The following RPF1 variants were observed in gnomAD, a reference collection of about 807,000 sequenced individuals.
RPF1 encodes ribosome production factor 1 homolog.
Under a neutral mutation model 41.9 loss-of-function variants are expected in RPF1, and 34 were observed. The ratio of observed to expected loss-of-function variants is 0.81; its 90% CI spans 0.62 to 1.08. The LOEUF (loss-of-function observed/expected upper bound fraction) is 1.08, where lower values mean the gene tolerates loss of function less well. Ranked by LOEUF, RPF1 falls within the 50% of genes least tolerant of loss-of-function variation. RPF1 has a pLI of 0.00. For missense variants in RPF1, 425 were observed against 435.2 expected, an observed-to-expected ratio of 0.98 and a Z score of 0.21; for synonymous variants, 140 against 148.9, an observed-to-expected ratio of 0.94 and a Z score of 0.43.
Position 84,479,315 on chromosome 1 carries a change from G to A in RPF1, c.34G>A (p.Gly12Arg), listed in dbSNP as rs145419651. Residue 12 changes from glycine (G) to arginine (R), a missense_variant, in exon 1 of 9, where the codon GGG becomes AGG. Transcript: ENST00000370654. ...AKAGDKSSSS[G>R]KKSLKRKAAA... The stretch of plus-strand genomic sequence containing the variant: ...AGCCGGGGATAAGAGCAGCAGCAGC[G>A]GGAAGAAAAGTCTAAAACGGAAAGC... The A allele has an allele frequency of 2.1e-5, 34 of 1,608,906 alleles. No individual in the cohort carries two copies. The highest frequency in any genetic ancestry group is 1.7e-4 in the Middle Eastern group (1 of 5,944).
At chr1:84,495,542 T>C in intron 6 of RPF1, 87 bp downstream of exon 6, 1 of 650,984 alleles carries the variant, frequency 1.5e-6, no homozygotes, top group Non-Finnish European at 2.6e-6. Context: ...AGCTCTAATT[T>C]ATTTTAATAA....
Position 84,479,328 on chromosome 1 carries a change from T to C in RPF1, c.47T>C (p.Leu16Pro), listed in dbSNP as rs1681595733. Residue 16 changes from leucine (L) to proline (P), a missense_variant, in exon 1 of 9, where the codon CTA becomes CCA. Leu to Pro is a moderately conservative substitution (Grantham distance 98). Coordinates refer to ENST00000370654, the MANE Select transcript of RPF1 (RefSeq NM_025065.7). ...AGCAGCAGCAGCGGGAAGAAAAGTC[T>C]AAAACGGAAAGCCGCTGCCGAAGAA... is the stretch of plus-strand genomic sequence containing the variant. ...DKSSSSGKKS[L>P]KRKAAAEELQ... 1 of 1,612,122 alleles carries C rather than the reference T, an allele frequency of 6.2e-7. No individual in the cohort carries two copies. The highest frequency in any genetic ancestry group is 1.1e-5 in the South Asian group (1 of 90,994).
intron 6 of RPF1, 105 bp from the exon 7 acceptor site, chr1:84,495,775 TAC>T: frequency 1.4e-6 from 1 of 697,636 alleles, no homozygotes; most frequent in African/African-American, 1.8e-5. Flanking sequence ...CACTAAAAAA[TAC>T]ATTTTGCAAA....
At chr1:84,481,770 A>G (rs1209329945) in intron 2 of RPF1, among the ~76,000 whole-genome samples, 1 of 152,146 alleles carries the variant, frequency 6.6e-6, no homozygotes, top group African/African-American at 2.4e-5. Context: ...CTAGGTTGTG[A>G]TTTATTTTTG....
intron 8 of RPF1, among the ~76,000 whole-genome samples, chr1:84,496,594 T>G (rs1681939512): frequency 6.6e-6 from 1 of 150,504 alleles, no homozygotes; most frequent in Admixed American, 6.6e-5. Context: ...AGATACAATA[T>G]CTGGGTCTGG....
intron 3 of RPF1, among the ~76,000 whole-genome samples, chr1:84,488,541 C>A (rs1235448986): frequency 2.0e-5 from 3 of 151,908 alleles, no homozygotes; most frequent in Admixed American, 6.6e-5. Context: ...TTATTTTGAC[C>A]CATTTTTCTC....
chr1:84,497,171 A>C (rs1681955535), intron 8 of RPF1, among the ~76,000 whole-genome samples: 1 of 150,826 alleles, frequency 6.6e-6, no homozygotes, highest in South Asian at 2.1e-4. Flanking sequence ...TGCATGGCCT[A>C]AAACATCCTT....
intron 8 of RPF1, 62 bp downstream of exon 8, chr1:84,496,432 G>A (rs955556416): frequency 1.0e-5 from 15 of 1,434,112 alleles, no homozygotes; most frequent in Non-Finnish European, 1.4e-5. Flanking sequence ...GAGGGTGGGA[G>A]GAGAGAGAGC....
At chr1:84,488,785 T>G (rs1681780324) in intron 3 of RPF1, among the ~76,000 whole-genome samples, 1 of 152,106 alleles carries the variant, frequency 6.6e-6, no homozygotes, top group Non-Finnish European at 1.5e-5. Context: ...TATTAGATGT[T>G]TTCTTTGCAA....
intron 3 of RPF1, among the ~76,000 whole-genome samples, chr1:84,486,310 G>A (rs1370993268): frequency 1.3e-5 from 2 of 151,946 alleles, no homozygotes; most frequent in East Asian, 1.9e-4. Context: ...TGACGTGGCC[G>A]GGCACAGTAG....
chr1:84,489,216 A>T (rs1193618464), intron 3 of RPF1, among the ~76,000 whole-genome samples: 5 of 152,110 alleles, frequency 3.3e-5, no homozygotes, highest in African/African-American at 1.2e-4. Context: ...AAAAGGTACT[A>T]CTTTCATTAA....
chr1:84,496,117 A>G, intron 7 of RPF1, 54 bp downstream of exon 7: 2 of 1,488,724 alleles, frequency 1.3e-6, no homozygotes, highest in South Asian at 1.2e-5. Context: ...TATATTTTCA[A>G]CATGAACTAA....
At chr1:84,486,008 G>A (rs528589250) in intron 3 of RPF1, among the ~76,000 whole-genome samples, 1 of 152,144 alleles carries the variant, frequency 6.6e-6, no homozygotes, top group South Asian at 2.1e-4. Flanking sequence ...TGACCTTTTA[G>A]CAAAGACTTG....
At chr1:84,492,239 G>A (rs151154368) in intron 5 of RPF1, among the ~76,000 whole-genome samples, 1 of 148,682 alleles carries the variant, frequency 6.7e-6, no homozygotes, top group Non-Finnish European at 1.5e-5. Context: ...GGTGACACAT[G>A]GGGGGAAAGT....
At chr1:84,492,718 A>G (rs2101886707) in intron 5 of RPF1, among the ~76,000 whole-genome samples, 1 of 152,294 alleles carries the variant, frequency 6.6e-6, no homozygotes, top group Middle Eastern at 3.4e-3. Flanking sequence ...ATGGGGAACT[A>G]CTGTTATTTG....
intron 2 of RPF1, among the ~76,000 whole-genome samples, chr1:84,481,996 CTT>C (rs1309662326): frequency 6.6e-6 from 1 of 152,108 alleles, no homozygotes; most frequent in Non-Finnish European, 1.5e-5. Context: ...ATGTTAGTCT[CTT>C]TTTAATTCTT....
At chr1:84,495,722 C>A (rs1455450931) in intron 6 of RPF1, among the ~76,000 whole-genome samples, 160 bp from the exon 7 acceptor site, 2 of 152,160 alleles carry the variant, frequency 1.3e-5, no homozygotes, top group Non-Finnish European at 2.9e-5. Context: ...ATTTTAGATA[C>A]ATCTTATTTC....
intron 3 of RPF1, among the ~76,000 whole-genome samples, chr1:84,483,493 C>T (rs973932325): frequency 6.6e-6 from 1 of 152,178 alleles, no homozygotes; most frequent in African/African-American, 2.4e-5. Flanking sequence ...TCTCGAACTC[C>T]TGATCACAGG....
intron 3 of RPF1, among the ~76,000 whole-genome samples, chr1:84,485,864 A>G (rs1373776156): frequency 2.0e-5 from 3 of 152,172 alleles, no homozygotes; most frequent in African/African-American, 7.2e-5. Context: ...TTTAATTTGC[A>G]GTTCTCATTT....
Sources: allele counts gnomAD v4.1 joint callset (sites outside exome capture counted in the v4.1 genomes callset), GRCh38; gene constraint gnomAD v4.1.1; transcripts MANE v1.5; gene names NCBI Gene and HGNC (gene_info 2026-07-23, HGNC 2026-07-21).